FER: variants seen among roughly 807,000 people sequenced by gnomAD.
The protein encoded by FER is tyrosine-protein kinase Fer.
A neutral mutation model predicts 111.0 loss-of-function variants in FER; 63 were observed. The observed-to-expected ratio is 0.57, with a 90% confidence interval of 0.46 to 0.70. The LOEUF is 0.70. Among genes scored for constraint, FER ranks in the 30% least tolerant of loss-of-function variants. FER has a pLI of 0.00. For missense variants in FER, 914 were observed against 954.0 expected (o/e 0.96, Z 0.55); for synonymous variants, 327 against 313.9 (o/e 1.04, Z -0.44).
chr5:109,064,169 G>C (rs919824856), intron 16 of FER, among the ~76,000 whole-genome samples: 1 of 152,138 alleles, frequency 6.6e-6, no homozygotes, highest in African/African-American at 2.4e-5. Flanking sequence ...GGCCATTCCT[G>C]CAGATACTAA....
intron 3 of FER, among the ~76,000 whole-genome samples, chr5:108,805,544 T>C (rs564531514): frequency 3.3e-5 from 5 of 152,172 alleles, no homozygotes; most frequent in Non-Finnish European, 7.4e-5. Flanking sequence ...GTTTGGAACT[T>C]CCTAGAGACT....
rs192233955 is a variant in FER at position 108,996,351 on chromosome 5, A to G, written c.1656+37004A>G. Among the ~76,000 whole-genome samples the G allele has an allele frequency of 5.0e-3, 755 of 152,340 alleles. 3 individuals carry two copies. The highest frequency in any genetic ancestry group is 0.017 in the African/African-American group (713 of 41,580). On this transcript the variant is annotated intron_variant, in intron 13 of 19. Transcript: ENST00000281092. The stretch of plus-strand genomic sequence containing the variant: ...AGTCTTTGCCCATGCCCATGTCCTG[A>G]ATGGTAATGCCTAGGTTTTCTTCTA...
chr5:109,031,465 T>C (rs1024734082), intron 13 of FER, among the ~76,000 whole-genome samples: 31 of 152,182 alleles, frequency 2.0e-4, no homozygotes, highest in African/African-American at 7.2e-4. Flanking sequence ...TCTATATTTG[T>C]ATAGTAGAAC....
intron 9 of FER, among the ~76,000 whole-genome samples, chr5:108,896,820 T>G (rs994514023): frequency 6.6e-6 from 1 of 152,248 alleles, no homozygotes; most frequent in African/African-American, 2.4e-5. Flanking sequence ...TTTGACATTT[T>G]GTCTAATTTA....
intron 5 of FER, among the ~76,000 whole-genome samples, chr5:108,854,828 C>T (rs547965229): frequency 6.6e-6 from 1 of 151,744 alleles, no homozygotes; most frequent in Non-Finnish European, 1.5e-5. Flanking sequence ...CCTATAGTCC[C>T]AGCTACTAGG....
chr5:108,891,221 G>A (rs1008416743), intron 9 of FER, among the ~76,000 whole-genome samples: 2 of 151,962 alleles, frequency 1.3e-5, no homozygotes, highest in African/African-American at 4.8e-5. Context: ...TTTCTAATTG[G>A]ATGTTTGGTT....
chr5:108,841,097 A>G (rs906701287), intron 5 of FER, among the ~76,000 whole-genome samples: 3 of 152,216 alleles, frequency 2.0e-5, no homozygotes, highest in Non-Finnish European at 4.4e-5. Flanking sequence ...AACAATTCCA[A>G]AAGCTTTGCT....
intron 2 of FER, among the ~76,000 whole-genome samples, chr5:108,797,013 C>T (rs560390526): frequency 6.6e-6 from 1 of 151,866 alleles, no homozygotes; most frequent in Non-Finnish European, 1.5e-5. Context: ...TGAATCTGAC[C>T]CAGAGCCCAC....
chr5:108,812,568 A>T (rs570049521), intron 3 of FER, among the ~76,000 whole-genome samples: 135 of 152,168 alleles, frequency 8.9e-4, no homozygotes, highest in African/African-American at 3.0e-3. Flanking sequence ...GTGATTATTG[A>T]TATGATTAGG....
intron 5 of FER, among the ~76,000 whole-genome samples, chr5:108,845,114 A>G (rs544684804): frequency 1.5e-5 from 2 of 134,238 alleles, no homozygotes; most frequent in African/African-American, 5.3e-5. Flanking sequence ...TTTGAATATT[A>G]ACTTTTATCC....
intron 2 of FER, among the ~76,000 whole-genome samples, chr5:108,772,320 G>A (rs1201154403): frequency 1.5e-5 from 2 of 130,820 alleles, no homozygotes; most frequent in South Asian, 2.4e-4. Flanking sequence ...ATATATGTAT[G>A]TATATATATA....
intron 5 of FER, among the ~76,000 whole-genome samples, chr5:108,855,844 A>G (rs1762956407): frequency 6.6e-6 from 1 of 152,160 alleles, no homozygotes; most frequent in South Asian, 2.1e-4. Context: ...GGTTTAAGAA[A>G]GAAGGAGAAA....
At chr5:108,960,541 A>G (rs1042012449) in intron 13 of FER, among the ~76,000 whole-genome samples, 1 of 151,994 alleles carries the variant, frequency 6.6e-6, no homozygotes, top group African/African-American at 2.4e-5. Context: ...CATTTTTTCT[A>G]TAGCAAAATA....
intron 16 of FER, among the ~76,000 whole-genome samples, chr5:109,060,702 A>T (rs927324145): frequency 6.6e-6 from 1 of 152,010 alleles, no homozygotes; most frequent in Non-Finnish European, 1.5e-5. Context: ...AATAAAAAAA[A>T]TTAAAAAATA....
intron 17 of FER, among the ~76,000 whole-genome samples, chr5:109,103,852 T>C (rs182382734): frequency 1.5e-3 from 225 of 152,338 alleles, no homozygotes; most frequent in Non-Finnish European, 3.0e-3. Flanking sequence ...ATGGCATTCA[T>C]TTATGGTTTT....
At chr5:108,934,797 AAT>A (rs1436802038) in intron 10 of FER, among the ~76,000 whole-genome samples, 1 of 152,114 alleles carries the variant, frequency 6.6e-6, no homozygotes, top group African/African-American at 2.4e-5. Flanking sequence ...GCTGAGAAAA[AAT>A]ATCTTTGGGA....
intron 12 of FER, among the ~76,000 whole-genome samples, chr5:108,958,334 A>G (rs1758701165): frequency 1.3e-5 from 2 of 151,742 alleles, no homozygotes; most frequent in South Asian, 2.1e-4. Flanking sequence ...GGGTACTCCC[A>G]TATCTGTATT....
intron 17 of FER, among the ~76,000 whole-genome samples, chr5:109,152,481 A>G (rs912907026): frequency 1.3e-5 from 2 of 152,062 alleles, no homozygotes; most frequent in East Asian, 1.9e-4. Context: ...TAGGCTGTAT[A>G]GAAATCATTA....
At chr5:108,943,494 C>T (rs1756551628) in intron 10 of FER, among the ~76,000 whole-genome samples, 1 of 152,078 alleles carries the variant, frequency 6.6e-6, no homozygotes, top group African/African-American at 2.4e-5. Flanking sequence ...GATAGGCAGT[C>T]ATTGGTTAGA....
Sources: gnomAD v4.1 joint callset for allele counts (sites outside exome capture counted in the v4.1 genomes callset) on GRCh38, gnomAD v4.1.1 for gene constraint, MANE v1.5 for transcripts, NCBI Gene and HGNC (gene_info 2026-07-23, HGNC 2026-07-21) for gene names.